The following QPCT variants were observed in gnomAD, a reference collection of about 807,000 sequenced individuals.
QPCT encodes the protein EC.
In QPCT, 44 loss-of-function variants were observed where a neutral mutation model predicts 43.4. The observed-to-expected ratio is 1.01, with a 90% confidence interval of 0.80 to 1.30. The LOEUF (loss-of-function observed/expected upper bound fraction) is 1.30, where lower values mean the gene tolerates loss of function less well. Ranked by LOEUF, QPCT falls within the 50% of genes most tolerant of loss-of-function variation. QPCT has a pLI of 0.00. For missense variants in QPCT, 526 were observed against 436.5 expected, an observed-to-expected ratio of 1.21 and a Z score of -1.83; for synonymous variants, 168 against 168.4, an observed-to-expected ratio of 1.00 and a Z score of 0.02.
At chr2:37,366,962 T>C (rs1166108709) in intron 3 of QPCT, among the ~76,000 whole-genome samples, 1 of 152,214 alleles carries the variant, frequency 6.6e-6, no homozygotes, top group Non-Finnish European at 1.5e-5. Context: ...TTTCATTGTT[T>C]CAAAATTCTG....
At chr2:37,345,336 C>T (rs1672461628) in intron 1 of QPCT, among the ~76,000 whole-genome samples, 1 of 152,136 alleles carries the variant, frequency 6.6e-6, no homozygotes, top group South Asian at 2.1e-4. Flanking sequence ...AGTCTCAGGA[C>T]GGATGTGTGT....
rs866156491 is a variant in QPCT, at chr2:37,348,067, T to C, written c.120+3216T>C. Among the ~76,000 whole-genome samples the C allele has an allele frequency of 4.2e-3, 617 of 148,528 alleles. 5 individuals carry two copies. The highest frequency in any genetic ancestry group is 0.014 in the African/African-American group (557 of 40,954). On this transcript the variant is annotated intron_variant, in intron 1 of 6. Transcript: ENST00000338415. The stretch of plus-strand genomic sequence containing the variant: ...CTCTCTCTCTGCGCGCGCACGCGTG[T>C]GTGTGTGTGTGTGTGTGTGTGTTAT...
chr2:37,356,694 A>G (rs1672754067), intron 2 of QPCT, among the ~76,000 whole-genome samples: 1 of 152,210 alleles, frequency 6.6e-6, no homozygotes, highest in South Asian at 2.1e-4. Flanking sequence ...AAGATAAACA[A>G]AAAATAGTTA....
In QPCT at chr2:37,347,228, TAAC is replaced by T. The variant is rs1443114925; in HGVS notation, c.120+2379_120+2381del. Among the ~76,000 whole-genome samples the T allele has an allele frequency of 2.8e-4, 11 of 39,636 alleles. 1 individual carries two copies. The highest frequency in any genetic ancestry group is 1.4e-3 in the East Asian group (1 of 716). 26.0% of individuals were successfully genotyped at this position (39,636 alleles called of 152,430 possible). On this transcript the variant is annotated intron_variant, in intron 1 of 6. Coordinates refer to ENST00000338415, the MANE Select transcript of QPCT (RefSeq NM_012413.4). Reference sequence around the variant, plus strand: ...ATAACATATATATAACATATATATATAACATATATATATATATAACATATATAT... The same window carrying T: ...ATAACATATATATAACATATATATATATATATATATATATAACATATATAT...
At chr2:37,345,148 G>A (rs1672455778) in intron 1 of QPCT, among the ~76,000 whole-genome samples, 1 of 152,186 alleles carries the variant, frequency 6.6e-6, no homozygotes, top group African/African-American at 2.4e-5. Context: ...TGTCTCGCCG[G>A]CGGCTGCTGA....
rs567085531 is a variant in QPCT, at chr2:37,355,094, GA to G, written c.267+2160del. Among the ~76,000 whole-genome samples the G allele has an allele frequency of 4.3e-3, 661 of 152,314 alleles. 2 individuals are homozygous for G. Among genetic ancestry groups the G allele is most frequent in the African/African-American group, 0.015 (633 of 41,576 alleles). ...CTATCATATGGGGGTGGAGGCAAAT[GA>G]GATATTTATGGACAGTATTTTAGAA... On this transcript the variant is annotated intron_variant, in intron 2 of 6. Transcript: ENST00000338415.
rs1672654177 is a variant in QPCT at position 37,352,918 on chromosome 2, AGCTATGCT to A, written c.254_261del (p.Tyr85SerfsTer14). The A allele has an allele frequency of 6.2e-7, 1 of 1,613,644 alleles. No individual in the cohort carries two copies. The highest frequency in any genetic ancestry group is 1.3e-5 in the African/African-American group (1 of 74,922). ...AGAGCGATACCCGGGATCCCCTGGA[AGCTATGCT>A]GCTCGTCAGGTGAGAACATGGGACA... On this transcript the variant is annotated frameshift_variant, in exon 2 of 7. Transcript: ENST00000338415. LOFTEE classifies it high-confidence loss of function.
chr2:37,347,377 G>C (rs982608551), intron 1 of QPCT, among the ~76,000 whole-genome samples: 2 of 150,228 alleles, frequency 1.3e-5, no homozygotes, highest in African/African-American at 4.9e-5. Flanking sequence ...GCTAGGGTTT[G>C]GCTTAAGCCC....
rs749821248 is a variant in QPCT at position 37,344,723 on chromosome 2, C to G, written c.-9C>G. On this transcript the variant is annotated 5_prime_UTR_variant, in exon 1 of 7. Coordinates refer to ENST00000338415, the MANE Select transcript of QPCT (RefSeq NM_012413.4). ...CCCGGGGAACCCGCTCCCAGACAGACTCGGAGAGATGGCAGGCGGAAGACA... is the reference window on the plus strand; with the variant it reads ...CCCGGGGAACCCGCTCCCAGACAGAGTCGGAGAGATGGCAGGCGGAAGACA... 10 of 1,598,916 alleles carry G rather than the reference C, an allele frequency of 6.3e-6. No homozygotes were observed. In the South Asian group the frequency reaches 8.9e-5, roughly 14 times the overall value.
At chr2:37,372,057 CCT>C (rs1197312869) in intron 5 of QPCT, among the ~76,000 whole-genome samples, 1 of 152,172 alleles carries the variant, frequency 6.6e-6, no homozygotes, top group African/African-American at 2.4e-5. Flanking sequence ...ACCCACCTGT[CCT>C]CTGTTTTTTT....
At chr2:37,367,196 AT>A (rs746234558) in intron 3 of QPCT, 35 bp from the exon 4 acceptor site, 5 of 1,566,630 alleles carry the variant, frequency 3.2e-6, no homozygotes, top group Middle Eastern at 1.7e-4. Flanking sequence ...TCATCACAGT[AT>A]TTTTTTGCTA....
At chr2:37,351,916 G>T (rs1572729059) in intron 1 of QPCT, among the ~76,000 whole-genome samples, 2 of 151,768 alleles carry the variant, frequency 1.3e-5, no homozygotes, top group East Asian at 3.9e-4. Flanking sequence ...TAATGACTCA[G>T]CTACTCAGGA....
Position 37,359,922 on chromosome 2 carries a change from C to T in QPCT, c.546+64C>T, listed in dbSNP as rs45479300. 25,037 of 1,514,006 alleles carry T rather than the reference C, an allele frequency of 0.017. 3,537 individuals carry two copies. In the African/African-American group the frequency reaches 0.3, roughly 18 times the overall value. 93.8% of individuals were successfully genotyped at this position (1,514,006 alleles called of 1,614,324 possible). A position where few individuals can be genotyped will look rare whatever the true frequency, so the allele number is the denominator to read the frequency against. ...CATTAACAGTAACTCAGAGTGAATT[C>T]TAGAATCCTTGGAGGAATGAGAAGG... On this transcript the variant is annotated intron_variant, in intron 3 of 6. Transcript: ENST00000338415.
chr2:37,357,809 C>T (rs1187943763), intron 2 of QPCT, among the ~76,000 whole-genome samples: 4 of 151,952 alleles, frequency 2.6e-5, no homozygotes, highest in East Asian at 3.8e-4. Context: ...CTCTTGCCTA[C>T]GTGTCATGTC....
In QPCT at chr2:37,352,811, T is replaced by C. The variant is rs770836291; in HGVS notation, c.143T>C (p.Leu48Ser). ...EEKNYHQPAI[L>S]NSSALRQIAE... The stretch of plus-strand genomic sequence containing the variant: ...CAGAATTACCACCAGCCAGCCATTT[T>C]GAATTCATCGGCTCTTCGGCAAATT... The change falls in exon 2 of 7, where the codon TTG (leucine) becomes TCG (serine). Residue 48 changes from leucine (L) to serine (S), a missense_variant. By Grantham distance (145) the Leu-to-Ser change is moderately radical. Transcript: ENST00000338415. 21 of 1,614,032 alleles carry C rather than the reference T, an allele frequency of 1.3e-5. No individual in the cohort carries two copies. Among genetic ancestry groups the C allele is most frequent in the Non-Finnish European group, 1.8e-5 (21 of 1,179,970 alleles).
intron 2 of QPCT, among the ~76,000 whole-genome samples, chr2:37,357,656 C>G (rs1001122793): frequency 6.6e-6 from 1 of 152,118 alleles, no homozygotes; most frequent in Admixed American, 6.5e-5. Flanking sequence ...AGGACAAAGT[C>G]CACCCACTAT....
chr2:37,365,408 C>G (rs1244105879), intron 3 of QPCT, among the ~76,000 whole-genome samples: 1 of 152,162 alleles, frequency 6.6e-6, no homozygotes, highest in African/African-American at 2.4e-5. Flanking sequence ...TCATTGGTGT[C>G]TTGACAAGAG....
intron 1 of QPCT, among the ~76,000 whole-genome samples, chr2:37,347,144 TTA>T (rs10558124): frequency 0.76 from 42,189 of 55,606 alleles, 15,776 homozygotes; most frequent in South Asian, 0.79. Context: ...ATGGGGTGTT[TTA>T]TATATATATA....
chr2:37,356,397 T>C (rs775516543), intron 2 of QPCT, among the ~76,000 whole-genome samples: 1 of 152,184 alleles, frequency 6.6e-6, no homozygotes, highest in African/African-American at 2.4e-5. Context: ...CAACCCAAAG[T>C]GTGATCTATA....
Sources: allele counts gnomAD v4.1 joint callset (sites outside exome capture counted in the v4.1 genomes callset), GRCh38; gene constraint gnomAD v4.1.1; transcripts MANE v1.5; gene names NCBI Gene and HGNC (gene_info 2026-07-23, HGNC 2026-07-21).